Variants in MRPL15 observed in about 807,000 individuals in gnomAD.
The protein encoded by MRPL15 is mitochondrial ribosomal protein L15, also known as large ribosomal subunit protein uL15m.
In MRPL15, 24 loss-of-function variants were observed where a neutral mutation model predicts 28.0. That is an observed-to-expected ratio of 0.86 (90% CI 0.62 to 1.21). The LOEUF (loss-of-function observed/expected upper bound fraction) is 1.21, where lower values mean the gene tolerates loss of function less well. Ranked by LOEUF, MRPL15 falls within the 50% of genes most tolerant of loss-of-function variation. The probability of loss-of-function intolerance (pLI) is 0.00; values close to 1 mark genes in which losing one functional copy is unlikely to be tolerated. For synonymous variants in MRPL15, 124 were observed against 137.0 expected (o/e 0.90, Z 0.66); for missense variants, 343 against 372.4 (o/e 0.92, Z 0.65).
At chr8:54,143,466 G>A (rs1347973121) in intron 4 of MRPL15, among the ~76,000 whole-genome samples, 2 of 152,080 alleles carry the variant, frequency 1.3e-5, no homozygotes, top group Non-Finnish European at 2.9e-5. Context: ...TTGGAGTCCT[G>A]AACTTTTTCT....
intron 1 of MRPL15, 105 bp from the exon 2 acceptor site, chr8:54,136,406 C>T: frequency 8.2e-7 from 1 of 1,224,436 alleles, no homozygotes. Flanking sequence ...TGTTAGCTAG[C>T]ACTGGTGGGC....
rs770500004 is a variant in MRPL15 at position 54,147,743 on chromosome 8, T to C, written c.*24T>C. The C allele has an allele frequency of 7.0e-6, 11 of 1,572,644 alleles. No homozygotes were observed. The Admixed American group carries it at 2.0e-4, about 28-fold the overall frequency. On this transcript the variant is annotated 3_prime_UTR_variant, in exon 5 of 5. Transcript: ENST00000260102. ...GAATTCCCGTCCAAGGAAGCAGAGT[T>C]GTTAAAGAGTACTGGAATAGGGGCT...
intron 4 of MRPL15, among the ~76,000 whole-genome samples, chr8:54,144,542 G>A (rs1292155603): frequency 6.6e-6 from 1 of 152,128 alleles, no homozygotes; most frequent in African/African-American, 2.4e-5. Context: ...AAGCCGAGAT[G>A]GACGGATCAC....
chr8:54,135,667 G>GGCGCCCGCCATC (rs1362059999), intron 1 of MRPL15, among the ~76,000 whole-genome samples: 1 of 149,122 alleles, frequency 6.7e-6, no homozygotes, highest in African/African-American at 2.5e-5. Flanking sequence ...TGGGATTACA[G>GGCGCCCGCCATC]GCGCCCGCCA....
chr8:54,138,922 G>C (rs1810873099), intron 3 of MRPL15, among the ~76,000 whole-genome samples: 1 of 152,032 alleles, frequency 6.6e-6, no homozygotes, highest in Non-Finnish European at 1.5e-5. Context: ...TGTCTCCTGA[G>C]TTCAAGTGAT....
At chr8:54,136,417 TG>T in intron 1 of MRPL15, 93 bp from the exon 2 acceptor site, 1 of 1,366,886 alleles carries the variant, frequency 7.3e-7, no homozygotes, top group Non-Finnish European at 1.0e-6. Flanking sequence ...ACTGGTGGGC[TG>T]GATGAATGAA....
At chr8:54,135,421 G>A in intron 1 of MRPL15, 30 bp downstream of exon 1, 1 of 1,512,526 alleles carries the variant, frequency 6.6e-7, no homozygotes, top group East Asian at 2.7e-5. Flanking sequence ...GCGGGGAAGC[G>A]CTGGGGACCC....
At chr8:54,146,954 C>A (rs1378462920) in intron 4 of MRPL15, among the ~76,000 whole-genome samples, 1 of 152,142 alleles carries the variant, frequency 6.6e-6, no homozygotes, top group African/African-American at 2.4e-5. Context: ...TTTCCAGATA[C>A]AGGTATGGTT....
At chr8:54,142,617 C>T in intron 3 of MRPL15, 46 bp from the exon 4 acceptor site, 1 of 1,593,900 alleles carries the variant, frequency 6.3e-7, no homozygotes, top group Non-Finnish European at 8.5e-7. Context: ...AATTAATTTA[C>T]TTTTAGCCAA....
At chr8:54,136,272 C>T (rs1212848561) in intron 1 of MRPL15, among the ~76,000 whole-genome samples, 1 of 152,140 alleles carries the variant, frequency 6.6e-6, no homozygotes, top group East Asian at 1.9e-4. Context: ...CCATCCTAAC[C>T]TTTACTTTTT....
At chr8:54,138,329 T>TTTA (rs1810865486) in intron 3 of MRPL15, among the ~76,000 whole-genome samples, 1 of 128,462 alleles carries the variant, frequency 7.8e-6, no homozygotes, top group African/African-American at 3.4e-5. Flanking sequence ...TTTTTTTTTT[T>TTTA]AAATAGAGAT....
Position 54,135,272 on chromosome 8 carries a change from G to T in MRPL15, c.-12G>T. 1 of 1,329,362 alleles carries T rather than the reference G, an allele frequency of 7.5e-7. No individual in the cohort carries two copies. The highest frequency in any genetic ancestry group is 2.1e-4 in the Middle Eastern group (1 of 4,850). 82.3% of individuals were successfully genotyped at this position (1,329,362 alleles called of 1,614,324 possible). On this transcript the variant is annotated 5_prime_UTR_variant, in exon 1 of 5. Transcript: ENST00000260102. ...CTCAGGGCGCCCTTGAAAGTTCTTG[G>T]ATCTGCGGGTTATGGCCGGTCCCTT...
chr8:54,135,419 G>T (rs1200172678), intron 1 of MRPL15, 28 bp downstream of exon 1: 10 of 1,516,826 alleles, frequency 6.6e-6, no homozygotes, highest in Non-Finnish European at 8.0e-6. Context: ...GTGCGGGGAA[G>T]CGCTGGGGAC....
At chr8:54,141,735 T>C (rs1239316349) in intron 3 of MRPL15, among the ~76,000 whole-genome samples, 1 of 152,202 alleles carries the variant, frequency 6.6e-6, no homozygotes, top group Non-Finnish European at 1.5e-5. Flanking sequence ...ACTTATAACA[T>C]GTAATATTAG....
At chr8:54,142,896 T>G (rs1254713258) in intron 4 of MRPL15, 110 bp downstream of exon 4, 3 of 1,355,936 alleles carry the variant, frequency 2.2e-6, no homozygotes, top group Non-Finnish European at 2.1e-6. Flanking sequence ...GGATGTAGTA[T>G]TGATCTACAT....
chr8:54,139,083 T>C (rs1810876665), intron 3 of MRPL15, among the ~76,000 whole-genome samples: 1 of 152,170 alleles, frequency 6.6e-6, no homozygotes, highest in African/African-American at 2.4e-5. Context: ...CACTGCGATC[T>C]CCACCTCCCG....
chr8:54,135,790 T>C (rs1810820180), intron 1 of MRPL15, among the ~76,000 whole-genome samples: 1 of 152,128 alleles, frequency 6.6e-6, no homozygotes, highest in Non-Finnish European at 1.5e-5. Context: ...CCCAAAGTGC[T>C]GGGATTACAG....
chr8:54,142,095 T>C (rs541069989), intron 3 of MRPL15, among the ~76,000 whole-genome samples: 1 of 152,266 alleles, frequency 6.6e-6, no homozygotes, highest in African/African-American at 2.4e-5. Context: ...GTGATCTTCC[T>C]GCCTTGGCCT....
intron 1 of MRPL15, among the ~76,000 whole-genome samples, chr8:54,135,755 G>C (rs1305299804): frequency 6.6e-6 from 1 of 151,700 alleles, no homozygotes; most frequent in Non-Finnish European, 1.5e-5. Flanking sequence ...GAACTCCTGA[G>C]CTCGCGATCC....
Sources: allele counts gnomAD v4.1 joint callset (sites outside exome capture counted in the v4.1 genomes callset), GRCh38; gene constraint gnomAD v4.1.1; transcripts MANE v1.5; gene names NCBI Gene and HGNC (gene_info 2026-07-23, HGNC 2026-07-21).